FAM3D: variants seen among roughly 807,000 people sequenced by gnomAD.
The protein encoded by FAM3D is protein FAM3D.
FAM3D carries 26 observed loss-of-function variants against 29.8 expected under a neutral mutation model. The ratio of observed to expected loss-of-function variants is 0.87; its 90% CI spans 0.64 to 1.21. The LOEUF is 1.21. FAM3D is among the 50% of genes most tolerant of loss of function. The pLI, the probability that FAM3D is intolerant of heterozygous loss-of-function variation, is 0.00. For synonymous variants in FAM3D, 115 were observed against 102.3 expected, an observed-to-expected ratio of 1.12 and a Z score of -0.75; for missense variants, 253 against 290.9, an observed-to-expected ratio of 0.87 and a Z score of 0.95.
chr3:58,661,951 G>C (rs1463462858), intron 1 of FAM3D, among the ~76,000 whole-genome samples: 1 of 152,240 alleles, frequency 6.6e-6, no homozygotes, highest in Non-Finnish European at 1.5e-5. Context: ...AGCAGCTGGA[G>C]AGAGAGGAAG....
intron 4 of FAM3D, among the ~76,000 whole-genome samples, chr3:58,647,794 T>C (rs904423210): frequency 3.3e-5 from 5 of 152,204 alleles, no homozygotes; most frequent in African/African-American, 1.2e-4. Context: ...CTTGTGCTGT[T>C]GCTCAGAGCA....
At chr3:58,661,635 C>T (rs1178171731) in intron 1 of FAM3D, among the ~76,000 whole-genome samples, 3 of 152,166 alleles carry the variant, frequency 2.0e-5, no homozygotes, top group African/African-American at 4.8e-5. Context: ...AGAGTGGGGG[C>T]TTTGGTGCCC....
chr3:58,659,566 C>G (rs1018135871), intron 1 of FAM3D, among the ~76,000 whole-genome samples: 1 of 152,212 alleles, frequency 6.6e-6, no homozygotes. Flanking sequence ...GTGAATCTCT[C>G]CGTGAAAGCA....
At chr3:58,641,416 A>C (rs2066331135) in intron 6 of FAM3D, among the ~76,000 whole-genome samples, 1 of 151,266 alleles carries the variant, frequency 6.6e-6, no homozygotes, top group Non-Finnish European at 1.5e-5. Flanking sequence ...GCTGGAGTGC[A>C]GTGGTGTGAG....
rs200880156 is a variant in FAM3D, at chr3:58,640,184, G to T, written c.323-7C>A. The T allele has an allele frequency of 1.2e-3, 1,940 of 1,614,164 alleles. 5 individuals carry two copies. The highest frequency in any genetic ancestry group is 1.6e-3 in the Non-Finnish European group (1,840 of 1,179,988). On this transcript the variant is annotated splice_region_variant and splice_polypyrimidine_tract_variant and intron_variant, in intron 6 of 9. Transcript: ENST00000358781. ...AGCACAGCTCCCGTGGTTCCTAGGG[G>T]TTAAGAGGAGAACGATTATCCCCTG... is the stretch of plus-strand genomic sequence containing the variant.
At chr3:58,645,662 G>A in intron 4 of FAM3D, 36 bp from the exon 5 acceptor site, 1 of 1,573,920 alleles carries the variant, frequency 6.4e-7, no homozygotes, top group South Asian at 1.1e-5. Context: ...GTGGGCAGAA[G>A]CTCAGGAGGT....
At chr3:58,655,805 A>G (rs1326021924) in intron 1 of FAM3D, among the ~76,000 whole-genome samples, 4 of 152,134 alleles carry the variant, frequency 2.6e-5, no homozygotes, top group African/African-American at 9.7e-5. Flanking sequence ...CTGGAGTTTT[A>G]TATTCAATTC....
chr3:58,634,895 G>A lies in FAM3D; in HGVS notation c.586-527C>T, dbSNP rs1030108918. 1.3e-5 allele frequency among the ~76,000 whole-genome samples: 2 copies of A among 152,166 alleles called. No homozygotes were observed. On this transcript the variant is annotated intron_variant, in intron 9 of 9. Transcript: ENST00000358781. The surrounding 1 kb of genome is among the most constrained non-coding windows in gnomAD (Gnocchi z 4.6). ...TATTAATTAATACTAATAATAAGGGGTGGGGTGCAGTGGCTCACACCTATC... is the reference window on the plus strand; with the variant it reads ...TATTAATTAATACTAATAATAAGGGATGGGGTGCAGTGGCTCACACCTATC...
intron 7 of FAM3D, among the ~76,000 whole-genome samples, chr3:58,639,306 T>C (rs559735094): frequency 1.1e-3 from 168 of 152,316 alleles, no homozygotes; most frequent in African/African-American, 3.9e-3. Flanking sequence ...TTATCTAATC[T>C]TCACATCAAT....
chr3:58,641,163 C>A (rs1032388771), intron 6 of FAM3D, among the ~76,000 whole-genome samples: 2 of 152,212 alleles, frequency 1.3e-5, no homozygotes, highest in Non-Finnish European at 2.9e-5. Context: ...GATGAGGACA[C>A]TGAGCCCCTT....
chr3:58,637,791 A>T (rs957510993), intron 7 of FAM3D, among the ~76,000 whole-genome samples: 3 of 152,110 alleles, frequency 2.0e-5, no homozygotes, highest in Non-Finnish European at 4.4e-5. Flanking sequence ...CAAGCTCTCT[A>T]TTTAACAGAG....
At chr3:58,637,561 G>A (rs1174414192) in intron 7 of FAM3D, among the ~76,000 whole-genome samples, 1 of 152,144 alleles carries the variant, frequency 6.6e-6, no homozygotes, top group Non-Finnish European at 1.5e-5. Context: ...TGGGGACGAA[G>A]TGCCATCATC....
At chr3:58,640,261 C>A in intron 6 of FAM3D, 84 bp from the exon 7 acceptor site, 1 of 1,425,186 alleles carries the variant, frequency 7.0e-7, no homozygotes, top group Non-Finnish European at 9.9e-7. Flanking sequence ...AATCTGTAGT[C>A]TAAGATCTAA....
intron 1 of FAM3D, among the ~76,000 whole-genome samples, chr3:58,661,722 C>T (rs570605348): frequency 6.6e-6 from 1 of 152,294 alleles, no homozygotes; most frequent in African/African-American, 2.4e-5. Flanking sequence ...ATCACGATCT[C>T]TAATTTAGTG....
intron 7 of FAM3D, 81 bp from the exon 8 acceptor site, chr3:58,637,306 T>C: frequency 7.5e-7 from 1 of 1,334,034 alleles, no homozygotes; most frequent in Non-Finnish European, 1.0e-6. Flanking sequence ...TGCCCCATGA[T>C]GCAGGAGTCA....
chr3:58,639,961 G>A (rs113065406), intron 7 of FAM3D, among the ~76,000 whole-genome samples, 166 bp downstream of exon 7: 1 of 152,094 alleles, frequency 6.6e-6, no homozygotes, highest in Non-Finnish European at 1.5e-5. Context: ...AAGGAGTTTC[G>A]AAAGCAGCAG....
rs1423374125 is a variant in FAM3D, at chr3:58,635,807, G to A, written c.585+487C>T. The stretch of plus-strand genomic sequence containing the variant: ...GTGCCCTTCCTAGAGCTCAGCACAC[G>A]GTTCCCTGCACCTGCCCCCTCCAGC... On this transcript the variant is annotated intron_variant, in intron 9 of 9. Transcript: ENST00000358781. This position sits in a 1 kb window ranked among gnomAD's most constrained non-coding sequence, Gnocchi z 5.2. Among the ~76,000 whole-genome samples, 1 of 152,092 alleles carries A rather than the reference G, an allele frequency of 6.6e-6. No individual in the cohort carries two copies. The highest frequency in any genetic ancestry group is 1.9e-4 in the East Asian group (1 of 5,182).
intron 4 of FAM3D, among the ~76,000 whole-genome samples, chr3:58,646,803 T>C (rs1227888703): frequency 3.9e-5 from 6 of 152,208 alleles, no homozygotes; most frequent in Non-Finnish European, 7.3e-5. Flanking sequence ...TATTATCTTA[T>C]TGACTCATCC....
At chr3:58,637,569 A>G (rs375557493) in intron 7 of FAM3D, among the ~76,000 whole-genome samples, 1 of 152,136 alleles carries the variant, frequency 6.6e-6, no homozygotes, top group Non-Finnish European at 1.5e-5. Flanking sequence ...AAGTGCCATC[A>G]TCTCTCAGGT....
Sources: allele counts gnomAD v4.1 joint callset (sites outside exome capture counted in the v4.1 genomes callset), GRCh38; gene constraint gnomAD v4.1.1; non-coding constraint Gnocchi (gnomAD v3.1); transcripts MANE v1.5; gene names NCBI Gene and HGNC (gene_info 2026-07-23, HGNC 2026-07-21).